The following SYTL3 variants were observed in gnomAD, a reference collection of about 807,000 sequenced individuals.
SYTL3 encodes synaptotagmin-like protein 3.
In SYTL3, 88 loss-of-function variants were observed where a neutral mutation model predicts 82.1. The observed-to-expected ratio is 1.07, with a 90% confidence interval of 0.90 to 1.28. The LOEUF is 1.28. Among genes scored for constraint, SYTL3 ranks in the 50% most tolerant of loss-of-function variants. The pLI is 0.00. For synonymous variants in SYTL3, 311 were observed against 289.4 expected (o/e 1.07, Z -0.76); for missense variants, 831 against 757.6 (o/e 1.10, Z -1.14).
intron 6 of SYTL3, among the ~76,000 whole-genome samples, chr6:158,700,864 C>T (rs1781135055): frequency 6.6e-6 from 1 of 152,204 alleles, no homozygotes; most frequent in African/African-American, 2.4e-5. Flanking sequence ...GATCTGCCCT[C>T]CTTGGCCTCC....
chr6:158,726,232 C>A, intron 11 of SYTL3: 1 of 434,622 alleles, frequency 2.3e-6, no homozygotes, highest in Non-Finnish European at 4.5e-6. Flanking sequence ...GTCAAAGAGG[C>A]CTGTCCAAAG....
At chr6:158,737,038 G>GT (rs1786269771) in intron 11 of SYTL3, among the ~76,000 whole-genome samples, 172 of 110,310 alleles carry the variant, frequency 1.6e-3, no homozygotes, top group African/African-American at 6.3e-3. Context: ...ACATTTCATG[G>GT]CAAAAAAAAA....
At chr6:158,659,667 C>T (rs139929540) in intron 2 of SYTL3, among the ~76,000 whole-genome samples, 192 of 152,206 alleles carry the variant, frequency 1.3e-3, no homozygotes, top group African/African-American at 4.4e-3. Flanking sequence ...TTGTCTTAGT[C>T]GTTTGCATTT....
chr6:158,730,834 A>G (rs1333391985), intron 11 of SYTL3, among the ~76,000 whole-genome samples: 1 of 152,218 alleles, frequency 6.6e-6, no homozygotes, highest in Non-Finnish European at 1.5e-5. Context: ...CAGGGGCGGT[A>G]AAGCATTCCT....
At chr6:158,710,362 G>A (rs1782618750) in intron 8 of SYTL3, among the ~76,000 whole-genome samples, 1 of 152,132 alleles carries the variant, frequency 6.6e-6, no homozygotes, top group African/African-American at 2.4e-5. Flanking sequence ...TGCATATACA[G>A]TCACCCAAAC....
chr6:158,697,616 A>G (rs908029039), intron 6 of SYTL3, among the ~76,000 whole-genome samples: 3 of 152,234 alleles, frequency 2.0e-5, no homozygotes, highest in Non-Finnish European at 2.9e-5. Context: ...AAGCAACAGA[A>G]TGAGAGAAAA....
chr6:158,713,821 AG>A lies in SYTL3; in HGVS notation c.539del (p.Arg180LysfsTer18). On this transcript the variant is annotated frameshift_variant, in exon 9 of 18. Transcript: ENST00000611299. LOFTEE classifies it high-confidence loss of function. ...PGRLQEFGQF[R>X]GFNKSVENLF... ...TTAGTTACAGGAATTTGGTCAGTTT[AG>A]AGGATTTAATAAGTCCGTGGAAAAT... 1 of 1,550,040 alleles carries A rather than the reference AG, an allele frequency of 6.5e-7. No individual in the cohort carries two copies. Among genetic ancestry groups the A allele is most frequent in the Admixed American group, 2.0e-5 (1 of 51,014 alleles).
intron 8 of SYTL3, among the ~76,000 whole-genome samples, chr6:158,712,375 G>T (rs2128461710): frequency 6.6e-6 from 1 of 152,254 alleles, no homozygotes; most frequent in East Asian, 1.9e-4. Flanking sequence ...GCCTTACCAG[G>T]CTTCTAGGTA....
intron 13 of SYTL3, 40 bp downstream of exon 13, chr6:158,752,070 A>C: frequency 6.8e-7 from 1 of 1,468,786 alleles, no homozygotes; most frequent in Non-Finnish European, 9.1e-7. Context: ...AGTCCTCCCG[A>C]GCCCGGGTGG....
At chr6:158,738,912 C>T (rs1398607931) in intron 11 of SYTL3, among the ~76,000 whole-genome samples, 2 of 152,242 alleles carry the variant, frequency 1.3e-5, no homozygotes, top group South Asian at 4.1e-4. Flanking sequence ...CCTGCCTTGG[C>T]CTCCCAAAGT....
At chr6:158,677,723 A>G (rs1562365486) in intron 5 of SYTL3, among the ~76,000 whole-genome samples, 1 of 144,746 alleles carries the variant, frequency 6.9e-6, no homozygotes, top group Admixed American at 6.8e-5. Flanking sequence ...AAAAAAAAAA[A>G]AAAAAAAGAC....
intron 9 of SYTL3, among the ~76,000 whole-genome samples, chr6:158,715,105 G>T (rs753495273): frequency 1.3e-5 from 2 of 152,054 alleles, no homozygotes; most frequent in Non-Finnish European, 2.9e-5. Flanking sequence ...CAGCTGTCCC[G>T]GCTGCCTCTT....
intron 12 of SYTL3, among the ~76,000 whole-genome samples, chr6:158,749,507 C>CTTTTTTTTT (rs765386344): frequency 3.5e-4 from 23 of 66,028 alleles, no homozygotes; most frequent in African/African-American, 9.0e-4. Flanking sequence ...TTCTTTCTCT[C>CTTTTTTTTT]TTTTTTTTTT....
intron 14 of SYTL3, among the ~76,000 whole-genome samples, chr6:158,760,162 CA>C (rs940404773): frequency 3.3e-5 from 5 of 152,196 alleles, no homozygotes; most frequent in Non-Finnish European, 7.3e-5. Flanking sequence ...AGACTCACCA[CA>C]CCCTGAGGGG....
At chr6:158,762,055 G>A in intron 15 of SYTL3, 21 bp from the exon 16 acceptor site, 1 of 1,581,682 alleles carries the variant, frequency 6.3e-7, no homozygotes, top group Non-Finnish European at 8.7e-7. Context: ...GTTTGACAGT[G>A]AATACTGGCT....
intron 7 of SYTL3, among the ~76,000 whole-genome samples, chr6:158,707,943 T>A (rs1460227453): frequency 6.6e-6 from 1 of 152,206 alleles, no homozygotes; most frequent in Non-Finnish European, 1.5e-5. Context: ...GATTCTCACA[T>A]CCACAACATT....
chr6:158,669,969 G>A (rs1777177435), intron 5 of SYTL3, among the ~76,000 whole-genome samples: 1 of 152,186 alleles, frequency 6.6e-6, no homozygotes, highest in Non-Finnish European at 1.5e-5. Context: ...TGTTGTTGTT[G>A]TTGTTGTCAT....
intron 2 of SYTL3, among the ~76,000 whole-genome samples, chr6:158,656,332 T>C (rs1240386452): frequency 6.6e-6 from 1 of 152,168 alleles, no homozygotes; most frequent in African/African-American, 2.4e-5. Context: ...ACTGCTGCTC[T>C]GGGTGGTTGC....
intron 10 of SYTL3, among the ~76,000 whole-genome samples, chr6:158,722,996 C>A (rs1583372407): frequency 6.6e-6 from 1 of 151,352 alleles, no homozygotes; most frequent in African/African-American, 2.4e-5. Flanking sequence ...GAACTTCTAA[C>A]CTCAGGTGAT....
Sources: allele counts gnomAD v4.1 joint callset (sites outside exome capture counted in the v4.1 genomes callset), GRCh38; gene constraint gnomAD v4.1.1; transcripts MANE v1.5; gene names NCBI Gene and HGNC (gene_info 2026-07-23, HGNC 2026-07-21).